PIKFYVE: variants seen among roughly 807,000 people sequenced by gnomAD.
The protein encoded by PIKFYVE is 1-phosphatidylinositol 3-phosphate 5-kinase.
A neutral mutation model predicts 257.9 loss-of-function variants in PIKFYVE; 122 were observed. The observed-to-expected ratio is 0.47, with a 90% CI of 0.41 to 0.55. The LOEUF (loss-of-function observed/expected upper bound fraction) is 0.55, where lower values mean the gene tolerates loss of function less well. PIKFYVE is among the 20% of genes least tolerant of loss of function. PIKFYVE has a pLI of 0.00. For synonymous variants in PIKFYVE, 892 were observed against 868.9 expected (o/e 1.03, Z -0.47); for missense variants, 2,160 against 2,536.6 (o/e 0.85, Z 3.19).
At chr2:208,312,035 G>T (rs936672301) in intron 12 of PIKFYVE, among the ~76,000 whole-genome samples, 1 of 152,180 alleles carries the variant, frequency 6.6e-6, no homozygotes, top group Non-Finnish European at 1.5e-5. Context: ...ATGCAAGTCT[G>T]CTTAAGTTTA....
At chr2:208,331,419 C>T (rs571236921) in intron 23 of PIKFYVE, among the ~76,000 whole-genome samples, 15 of 152,170 alleles carry the variant, frequency 9.9e-5, no homozygotes, top group African/African-American at 3.4e-4. Context: ...GCTCTATCGC[C>T]CGGTCTGGAG....
In PIKFYVE at chr2:208,345,124, C is replaced by A; in HGVS notation, c.5041C>A (p.Arg1681=). ...IAFALSCKEY[R]NALEELSKAT... ...TTCTGCCCTAAGTTGTAAAGAATACCGAAATGCCTTAGAGGAATTGTCTAA... is the reference window on the plus strand; with the variant it reads ...TTCTGCCCTAAGTTGTAAAGAATACAGAAATGCCTTAGAGGAATTGTCTAA... The change falls in exon 33 of 42, where the codon CGA becomes AGA. Residue 1681 remains arginine, a synonymous_variant. Coordinates refer to ENST00000264380, the MANE Select transcript of PIKFYVE (RefSeq NM_015040.4). The A allele has an allele frequency of 6.2e-7, 1 of 1,610,202 alleles. No individual in the cohort carries two copies. Among genetic ancestry groups the A allele is most frequent in the Non-Finnish European group, 8.5e-7 (1 of 1,176,720 alleles).
intron 12 of PIKFYVE, among the ~76,000 whole-genome samples, chr2:208,310,606 C>T (rs375225618): frequency 3.3e-5 from 5 of 152,014 alleles, no homozygotes; most frequent in South Asian, 4.1e-4. Flanking sequence ...TGTAGTTTTC[C>T]GTGTATAGGA....
chr2:208,320,220 A>C, intron 16 of PIKFYVE, 32 bp from the exon 17 acceptor site: 1 of 1,604,776 alleles, frequency 6.2e-7, no homozygotes, highest in Non-Finnish European at 8.5e-7. Context: ...GCAAACCTTT[A>C]AACACTTTAA....
chr2:208,283,065 C>T lies in PIKFYVE; in HGVS notation c.614-2661C>T, dbSNP rs530241314. Among the ~76,000 whole-genome samples the T allele has an allele frequency of 1.2e-4, 19 of 152,180 alleles. No homozygotes were observed. The East Asian group carries it at 2.9e-3, about 23-fold the overall frequency. On this transcript the variant is annotated intron_variant, in intron 5 of 41. Transcript: ENST00000264380. Reference sequence around the variant, plus strand: ...TGCTCGCCACTCACCTCCTGCTGTGCGGCTCGGTTCCTAACAGGCTACGGA... The same window carrying T: ...TGCTCGCCACTCACCTCCTGCTGTGTGGCTCGGTTCCTAACAGGCTACGGA...
In PIKFYVE at chr2:208,324,290, T is replaced by C; in HGVS notation, c.2331+8T>C. On this transcript the variant is annotated splice_region_variant and intron_variant, in intron 18 of 41. Transcript: ENST00000264380. ...GTCATTAATGTAAAGTCAGTGAGTG[T>C]TTTTAATTTTCTATTGTATTTTAAA... 1 of 1,613,008 alleles carries C rather than the reference T, an allele frequency of 6.2e-7. No homozygotes were observed. The highest frequency in any genetic ancestry group is 2.2e-5 in the East Asian group (1 of 44,840).
intron 3 of PIKFYVE, 45 bp from the exon 4 acceptor site, chr2:208,276,667 A>T (rs202093390): frequency 7.4e-7 from 1 of 1,359,730 alleles, no homozygotes; most frequent in African/African-American, 1.4e-5. Context: ...GTATATAGAT[A>T]CTAGGGACTG....
In PIKFYVE at chr2:208,351,407, C is replaced by T. The variant is rs201297465; in HGVS notation, c.5667C>T (p.Asp1889=). 6.2e-7 allele frequency: 1 copy of T among 1,613,886 alleles called. No homozygotes were observed. The highest frequency in any genetic ancestry group is 1.1e-5 in the South Asian group (1 of 91,082). ...MPRLEVQSFL[D]FAPHYFNYIT... ...GTCTGGAAGTCCAGTCCTTCCTCGA[C>T]TTTGCACCACATTACTTCAATTATA... Residue 1889 remains aspartate, a synonymous_variant, in exon 38 of 42, where the codon GAC becomes GAT. Coordinates refer to ENST00000264380, the MANE Select transcript of PIKFYVE (RefSeq NM_015040.4).
intron 13 of PIKFYVE, among the ~76,000 whole-genome samples, chr2:208,313,029 C>T (rs1695095262): frequency 6.6e-6 from 1 of 152,164 alleles, no homozygotes; most frequent in African/African-American, 2.4e-5. Context: ...TACAGAGTGG[C>T]CCTTTATGTA....
At chr2:208,302,616 G>A (rs1693833984) in intron 10 of PIKFYVE, 11 of 422,988 alleles carry the variant, frequency 2.6e-5, no homozygotes, top group South Asian at 2.0e-4. Context: ...TTTTCAGTTG[G>A]TGTGGTAGTT....
intron 6 of PIKFYVE, among the ~76,000 whole-genome samples, chr2:208,288,123 C>T (rs990667937): frequency 6.6e-6 from 1 of 152,058 alleles, no homozygotes; most frequent in Non-Finnish European, 1.5e-5. Context: ...TAAGAAAGCT[C>T]CCTGAGAGAT....
intron 28 of PIKFYVE, among the ~76,000 whole-genome samples, chr2:208,338,013 ACACCTGG>A: frequency 1.3e-5 from 2 of 151,646 alleles, no homozygotes; most frequent in Non-Finnish European, 2.9e-5. Context: ...GTAAGCCACC[ACACCTGG>A]CTCATTTTTA....
chr2:208,338,241 G>A (rs978491099), intron 28 of PIKFYVE, among the ~76,000 whole-genome samples: 8 of 151,766 alleles, frequency 5.3e-5, no homozygotes, highest in Non-Finnish European at 8.8e-5. Flanking sequence ...GGTATGTTAC[G>A]TGTTTAAATG....
At chr2:208,293,196 A>G (rs1479924636) in intron 7 of PIKFYVE, among the ~76,000 whole-genome samples, 1 of 151,640 alleles carries the variant, frequency 6.6e-6, no homozygotes, top group Non-Finnish European at 1.5e-5. Flanking sequence ...CCTTATAACA[A>G]AATACTCCCA....
At chr2:208,309,662 A>G (rs1026707745) in intron 12 of PIKFYVE, among the ~76,000 whole-genome samples, 1 of 152,166 alleles carries the variant, frequency 6.6e-6, no homozygotes, top group Non-Finnish European at 1.5e-5. Context: ...AAGAAATTAT[A>G]TTTATTTTGC....
At chr2:208,296,294 C>G (rs1692977306) in intron 7 of PIKFYVE, among the ~76,000 whole-genome samples, 1 of 152,142 alleles carries the variant, frequency 6.6e-6, no homozygotes, top group Non-Finnish European at 1.5e-5. Flanking sequence ...TGTGAGCCAC[C>G]ACGCCTGGAC....
intron 12 of PIKFYVE, among the ~76,000 whole-genome samples, chr2:208,310,819 C>T (rs578150024): frequency 3.9e-5 from 6 of 152,220 alleles, no homozygotes; most frequent in East Asian, 1.9e-4. Flanking sequence ...TTGATTGCAT[C>T]GAGGCTTAAG....
At chr2:208,295,564 C>T (rs1692859172) in intron 7 of PIKFYVE, among the ~76,000 whole-genome samples, 1 of 152,076 alleles carries the variant, frequency 6.6e-6, no homozygotes, top group Admixed American at 6.5e-5. Flanking sequence ...TAGTAAAATG[C>T]CCTTCAATTT....
At chr2:208,305,873 GC>G (rs1173409980) in intron 12 of PIKFYVE, among the ~76,000 whole-genome samples, 12 of 152,104 alleles carry the variant, frequency 7.9e-5, no homozygotes, top group African/African-American at 2.2e-4. Flanking sequence ...TAAAGATGAA[GC>G]ACTTTATTCC....
Sources: gnomAD v4.1 joint callset for allele counts (sites outside exome capture counted in the v4.1 genomes callset) on GRCh38, gnomAD v4.1.1 for gene constraint, MANE v1.5 for transcripts, NCBI Gene and HGNC (gene_info 2026-07-23, HGNC 2026-07-21) for gene names.